ITPRID1: variants seen among roughly 807,000 people sequenced by gnomAD.
ITPRID1 encodes the protein protein ITPRID1.
A neutral mutation model predicts 95.4 loss-of-function variants in ITPRID1; 96 were observed. The ratio of observed to expected loss-of-function variants is 1.01; its 90% CI spans 0.85 to 1.19. The LOEUF (loss-of-function observed/expected upper bound fraction) is 1.19. ITPRID1 is among the 50% of genes most tolerant of loss of function. The pLI, the probability that ITPRID1 is intolerant of heterozygous loss-of-function variation, is 0.00. For synonymous variants in ITPRID1, 510 were observed against 453.6 expected (o/e 1.12, Z -1.58); for missense variants, 1,339 against 1,252.9 (o/e 1.07, Z -1.04).
At chr7:31,646,718 G>A (rs1790498834) in intron 12 of ITPRID1, among the ~76,000 whole-genome samples, 1 of 152,090 alleles carries the variant, frequency 6.6e-6, no homozygotes, top group Admixed American at 6.6e-5. Context: ...CAGAAAACAG[G>A]GAGGTTTTGT....
At chr7:31,565,421 C>A (rs1784764215) in intron 5 of ITPRID1, among the ~76,000 whole-genome samples, 1 of 152,080 alleles carries the variant, frequency 6.6e-6, no homozygotes, top group African/African-American at 2.4e-5. Context: ...ACACTTGTAT[C>A]ATTTGAAACA....
intron 1 of ITPRID1, among the ~76,000 whole-genome samples, chr7:31,540,873 T>C (rs1175596043): frequency 2.0e-5 from 3 of 152,166 alleles, no homozygotes; most frequent in South Asian, 4.1e-4. Context: ...ACACAAAATA[T>C]AAGGCCGGTT....
intron 1 of ITPRID1, among the ~76,000 whole-genome samples, chr7:31,535,254 CTTT>C (rs955901138): frequency 2.2e-4 from 33 of 152,100 alleles, no homozygotes; most frequent in African/African-American, 7.5e-4. Flanking sequence ...AATGTAAAAA[CTTT>C]CTAATGGTAT....
chr7:31,575,895 T>TTA (rs1554286967), intron 8 of ITPRID1, among the ~76,000 whole-genome samples: 6 of 151,610 alleles, frequency 4.0e-5, no homozygotes, highest in East Asian at 1.9e-4. Flanking sequence ...ATTTTTTTTT[T>TTA]AAAAAGAGTA....
chr7:31,599,500 T>C (rs776658310), intron 10 of ITPRID1, among the ~76,000 whole-genome samples: 5 of 152,192 alleles, frequency 3.3e-5, no homozygotes, highest in Middle Eastern at 3.2e-3. Context: ...TTTCCCCTTT[T>C]AAAAAATCTG....
intron 10 of ITPRID1, among the ~76,000 whole-genome samples, chr7:31,588,461 T>C (rs1785716689): frequency 6.6e-6 from 1 of 151,324 alleles, no homozygotes; most frequent in Non-Finnish European, 1.5e-5. Context: ...TGAAACTCTG[T>C]CTCTACTAAA....
chr7:31,613,589 TGCTAGTAGAATATCAGGTAGGAA>T (rs1239918326), intron 10 of ITPRID1, among the ~76,000 whole-genome samples: 1 of 152,230 alleles, frequency 6.6e-6, no homozygotes, highest in African/African-American at 2.4e-5. Context: ...TCAATTTTTC[TGCTAGTAGAATATCAGGTAGGAA>T]GACAAATCAG....
At chr7:31,575,565 G>A (rs1159483920) in intron 8 of ITPRID1, among the ~76,000 whole-genome samples, 1 of 152,132 alleles carries the variant, frequency 6.6e-6, no homozygotes, top group Admixed American at 6.6e-5. Context: ...ATATGCCAAG[G>A]TGCACTTTCA....
chr7:31,618,834 G>A (rs551875946), intron 10 of ITPRID1, among the ~76,000 whole-genome samples: 45 of 152,258 alleles, frequency 3.0e-4, no homozygotes, highest in East Asian at 1.7e-3. Flanking sequence ...ATTATATGCC[G>A]CAAATATAAG....
chr7:31,642,949 A>G lies in ITPRID1; in HGVS notation c.1579A>G (p.Thr527Ala). ...TATCCCAGACATGGCCTGTGCCAAG[A>G]CCACCACGAGGGGAGAATGCCCAAG... The part of the protein sequence containing the change: ...LYIPDMACAK[T>A]TTRGECPRKD... The change falls in exon 12 of 15, where the codon ACC becomes GCC. Residue 527 changes from threonine to alanine, a missense_variant. By Grantham distance (58) the Thr-to-Ala change is moderately conservative. Transcript: ENST00000615280. 6.2e-7 allele frequency: 1 copy of G among 1,614,030 alleles called. No individual in the cohort carries two copies. Among genetic ancestry groups the G allele is most frequent in the Non-Finnish European group, 8.5e-7 (1 of 1,179,898 alleles).
At position 31,537,786 on chromosome 7, in the gene ITPRID1, A is replaced by G. The variant is rs140877681; in HGVS notation, c.-97-11640A>G. Among the ~76,000 whole-genome samples, 687 of 152,314 alleles carry G rather than the reference A, an allele frequency of 4.5e-3. 8 individuals are homozygous for G. Among genetic ancestry groups the G allele is most frequent in the African/African-American group, 0.016 (646 of 41,582 alleles). On this transcript the variant is annotated intron_variant, in intron 1 of 14. Coordinates refer to ENST00000615280, the MANE Select transcript of ITPRID1 (RefSeq NM_001257967.3). ...AATAAGAATGCAAGTCACCTGACCT[A>G]CCATTCAGAAATAACCATATTTAGC... is the stretch of plus-strand genomic sequence containing the variant.
At chr7:31,561,119 A>G (rs1390436014) in intron 5 of ITPRID1, among the ~76,000 whole-genome samples, 1 of 152,228 alleles carries the variant, frequency 6.6e-6, no homozygotes, top group African/African-American at 2.4e-5. Context: ...GAGAAGAGCT[A>G]TTTCAGAGGA....
At chr7:31,610,771 A>G (rs983244926) in intron 10 of ITPRID1, among the ~76,000 whole-genome samples, 1 of 151,602 alleles carries the variant, frequency 6.6e-6, no homozygotes, top group Non-Finnish European at 1.5e-5. Context: ...ATAAAAATAT[A>G]GCCATTCCAG....
chr7:31,646,521 T>C (rs975410959), intron 12 of ITPRID1, among the ~76,000 whole-genome samples: 2 of 152,082 alleles, frequency 1.3e-5, no homozygotes, highest in African/African-American at 4.8e-5. Flanking sequence ...TTATTCAGAA[T>C]AGGAGCAGAA....
Position 31,652,771 on chromosome 7 carries a change from G to T in ITPRID1, c.3077G>T (p.Gly1026Val). ...SPSSSAWAKLGPTPLSNCPVG... is the reference protein window; with the variant it reads ...SPSSSAWAKLVPTPLSNCPVG... ...TCATCATCAGCTTGGGCAAAGTTAG[G>T]TCCAACCCCTTTGTCAAATTGTCCT... Residue 1026 changes from glycine (G) to valine (V), a missense_variant, in exon 15 of 15, where the codon GGT becomes GTT. Physicochemically the swap from Gly to Val is moderately radical, Grantham distance 109. Coordinates refer to ENST00000615280, the MANE Select transcript of ITPRID1 (RefSeq NM_001257967.3). 1 of 1,613,862 alleles carries T rather than the reference G, an allele frequency of 6.2e-7. No homozygotes were observed. Among genetic ancestry groups the T allele is most frequent in the African/African-American group, 1.3e-5 (1 of 75,020 alleles).
chr7:31,595,836 A>G (rs17160296), intron 10 of ITPRID1, among the ~76,000 whole-genome samples: 21,702 of 152,070 alleles, frequency 0.14, 1,793 homozygotes, highest in African/African-American at 0.21. Context: ...GAAAAAAGCC[A>G]CAAAGTTTTC....
intron 5 of ITPRID1, among the ~76,000 whole-genome samples, chr7:31,559,506 CA>C (rs963303162): frequency 2.6e-5 from 4 of 151,232 alleles, no homozygotes; most frequent in East Asian, 3.9e-4. Flanking sequence ...ACTAAAAATA[CA>C]AAAAAAAATT....
chr7:31,575,024 G>A (rs1186151693), intron 8 of ITPRID1, among the ~76,000 whole-genome samples: 4 of 152,166 alleles, frequency 2.6e-5, no homozygotes, highest in African/African-American at 9.7e-5. Flanking sequence ...AGATAGAAAT[G>A]GAGAATGATA....
intron 1 of ITPRID1, among the ~76,000 whole-genome samples, chr7:31,516,643 G>A (rs187468672): frequency 5.3e-4 from 80 of 152,188 alleles, no homozygotes; most frequent in Non-Finnish European, 9.7e-4. Flanking sequence ...AAAAAAAATT[G>A]TCTGAATACA....
Sources: gnomAD v4.1 joint callset for allele counts (sites outside exome capture counted in the v4.1 genomes callset) on GRCh38, gnomAD v4.1.1 for gene constraint, MANE v1.5 for transcripts, NCBI Gene and HGNC (gene_info 2026-07-23, HGNC 2026-07-21) for gene names.